Variants in PDZRN4 observed in about 807,000 individuals in gnomAD.
PDZRN4 encodes the protein PDZ domain-containing RING finger protein 4.
PDZRN4 carries 70 observed loss-of-function variants against 99.0 expected under a neutral mutation model. The observed-to-expected ratio is 0.71, with a 90% confidence interval of 0.58 to 0.86. The LOEUF is 0.86. Among genes scored for constraint, PDZRN4 ranks in the 40% least tolerant of loss-of-function variants. The pLI is 0.00. For missense variants in PDZRN4, 1,474 were observed against 1,331.2 expected (o/e 1.11, Z -1.67); for synonymous variants, 551 against 501.6 (o/e 1.10, Z -1.32).
At chr12:41,567,260 T>A (rs1412716386) in intron 8 of PDZRN4, among the ~76,000 whole-genome samples, 1 of 152,220 alleles carries the variant, frequency 6.6e-6, no homozygotes, top group Non-Finnish European at 1.5e-5. Context: ...AAATGTCTTC[T>A]GTACATTCTT....
intron 3 of PDZRN4, among the ~76,000 whole-genome samples, chr12:41,331,864 A>G (rs1951742864): frequency 6.6e-6 from 1 of 152,046 alleles, no homozygotes; most frequent in Admixed American, 6.6e-5. Context: ...CCCATGACAC[A>G]TGGGGATTAT....
intron 3 of PDZRN4, among the ~76,000 whole-genome samples, chr12:41,227,726 C>A (rs1329054749): frequency 1.3e-5 from 2 of 151,934 alleles, no homozygotes; most frequent in Non-Finnish European, 1.5e-5. Flanking sequence ...TCTAGTGTGA[C>A]CATGTGCATA....
intron 5 of PDZRN4, among the ~76,000 whole-genome samples, chr12:41,526,701 C>A (rs1732517563): frequency 6.6e-6 from 1 of 152,210 alleles, no homozygotes; most frequent in East Asian, 1.9e-4. Flanking sequence ...CAACTTTATG[C>A]ACATAAGTAG....
At chr12:41,497,002 G>A (rs1443536513) in intron 3 of PDZRN4, among the ~76,000 whole-genome samples, 1 of 152,120 alleles carries the variant, frequency 6.6e-6, no homozygotes, top group Non-Finnish European at 1.5e-5. Context: ...CAGACGCCCT[G>A]TTGTTGTAAT....
At chr12:41,360,315 T>C (rs1238414020) in intron 3 of PDZRN4, among the ~76,000 whole-genome samples, 2 of 152,012 alleles carry the variant, frequency 1.3e-5, no homozygotes, top group East Asian at 3.9e-4. Flanking sequence ...TCAAGGAACA[T>C]CCATAACCAA....
intron 3 of PDZRN4, among the ~76,000 whole-genome samples, chr12:41,429,630 A>C (rs570606328): frequency 6.6e-6 from 1 of 151,958 alleles, no homozygotes; most frequent in Non-Finnish European, 1.5e-5. Context: ...TTGGGTTTGA[A>C]TCCTGGCTCC....
chr12:41,490,617 A>G (rs914532036), intron 3 of PDZRN4, among the ~76,000 whole-genome samples: 3 of 152,092 alleles, frequency 2.0e-5, no homozygotes, highest in African/African-American at 4.8e-5. Flanking sequence ...CATTTGTTAT[A>G]TGTTATCTCC....
At chr12:41,436,563 T>A (rs1952631317) in intron 3 of PDZRN4, among the ~76,000 whole-genome samples, 1 of 152,200 alleles carries the variant, frequency 6.6e-6, no homozygotes, top group East Asian at 1.9e-4. Context: ...CCACCTGCTA[T>A]CCTGTCCGGT....
chr12:41,282,174 G>A (rs1356497821), intron 3 of PDZRN4, among the ~76,000 whole-genome samples: 1 of 152,060 alleles, frequency 6.6e-6, no homozygotes, highest in Admixed American at 6.6e-5. Context: ...AGGGATGGAG[G>A]AATATTTACC....
chr12:41,309,295 T>C (rs1167959597), intron 3 of PDZRN4, among the ~76,000 whole-genome samples: 1 of 152,178 alleles, frequency 6.6e-6, no homozygotes, highest in African/African-American at 2.4e-5. Context: ...CTCACAGTTC[T>C]GGAGGCTGGA....
In PDZRN4 at chr12:41,194,543, A is replaced by T. The variant is rs574987503; in HGVS notation, c.843+355A>T. Among the ~76,000 whole-genome samples, 263 of 152,138 alleles carry T rather than the reference A, an allele frequency of 1.7e-3. 1 individual carries two copies. Among genetic ancestry groups the T allele is most frequent in the Non-Finnish European group, 1.4e-3 (97 of 68,028 alleles). On this transcript the variant is annotated intron_variant, in intron 3 of 9. Coordinates refer to ENST00000402685, the MANE Select transcript of PDZRN4 (RefSeq NM_001164595.2). ...ATGGTCCCAGCTACTCAGGAGGCTG[A>T]GGTGGGTGGATCACTCGATGTTAAA...
At chr12:41,328,170 A>G (rs1951721805) in intron 3 of PDZRN4, among the ~76,000 whole-genome samples, 1 of 152,178 alleles carries the variant, frequency 6.6e-6, no homozygotes, top group Non-Finnish European at 1.5e-5. Flanking sequence ...AATTGTAAAT[A>G]TTCTTGTTTT....
At chr12:41,376,741 A>G (rs1952084579) in intron 3 of PDZRN4, among the ~76,000 whole-genome samples, 2 of 151,970 alleles carry the variant, frequency 1.3e-5, no homozygotes, top group South Asian at 4.1e-4. Flanking sequence ...GATATCGTCC[A>G]CTTACTTACT....
intron 3 of PDZRN4, among the ~76,000 whole-genome samples, chr12:41,406,246 A>C (rs1952348560): frequency 6.6e-6 from 1 of 152,184 alleles, no homozygotes; most frequent in Non-Finnish European, 1.5e-5. Flanking sequence ...TTTAATTTCC[A>C]CAGTGTTTAC....
intron 3 of PDZRN4, among the ~76,000 whole-genome samples, chr12:41,352,747 T>A (rs1405551): frequency 0.39 from 58,610 of 151,938 alleles, 11,403 homozygotes; most frequent in African/African-American, 0.41. Context: ...GCAATCAGTA[T>A]GCATTTCTTA....
intron 3 of PDZRN4, among the ~76,000 whole-genome samples, chr12:41,363,882 C>T (rs1000973016): frequency 2.0e-5 from 3 of 152,016 alleles, no homozygotes; most frequent in Admixed American, 6.6e-5. Flanking sequence ...AGTGGTTAAA[C>T]GTGTATAATT....
rs1379164081 is a variant in PDZRN4 at position 41,402,139 on chromosome 12, ATACACACACTGAG to A, written c.844-104314_844-104302del. Among the ~76,000 whole-genome samples, 9 of 43,136 alleles carry A rather than the reference ATACACACACTGAG, an allele frequency of 2.1e-4. 1 individual carries two copies. In the East Asian group the frequency reaches 3.6e-3, roughly 17 times the overall value. 28.3% of individuals were successfully genotyped at this position (43,136 alleles called of 152,430 possible). On this transcript the variant is annotated intron_variant, in intron 3 of 9. Coordinates refer to ENST00000402685, the MANE Select transcript of PDZRN4 (RefSeq NM_001164595.2). The stretch of plus-strand genomic sequence containing the variant: ...AGTATATATATATATATATATATAT[ATACACACACTGAG>A]TATATATATATATATACACACTGAG...
chr12:41,536,910 G>A (rs1361145010), intron 5 of PDZRN4, among the ~76,000 whole-genome samples: 1 of 152,080 alleles, frequency 6.6e-6, no homozygotes, highest in African/African-American at 2.4e-5. Flanking sequence ...TAGCAGGCAT[G>A]TTTTTCATAG....
In PDZRN4 at chr12:41,194,159, G is replaced by A; in HGVS notation, c.814G>A (p.Gly272Ser). 1 of 1,542,622 alleles carries A rather than the reference G, an allele frequency of 6.5e-7. No individual in the cohort carries two copies. Among genetic ancestry groups the A allele is most frequent in the Non-Finnish European group, 8.9e-7 (1 of 1,128,092 alleles). ...LENGPADRAD[G>S]LEIHDKIMEV... ...AAATGGACCTGCTGACAGAGCAGAT[G>A]GCCTGGAGATTCATGACAAAATCAT... Residue 272 changes from glycine to serine, a missense_variant, in exon 3 of 10, where the codon GGC (glycine) becomes AGC (serine). By Grantham distance (56) the Gly-to-Ser change is moderately conservative (BLOSUM62 0). Transcript: ENST00000402685.
Sources: allele counts gnomAD v4.1 joint callset (sites outside exome capture counted in the v4.1 genomes callset), GRCh38; gene constraint gnomAD v4.1.1; transcripts MANE v1.5; gene names NCBI Gene and HGNC (gene_info 2026-07-23, HGNC 2026-07-21).